CRLF2: variants seen among roughly 807,000 people sequenced by gnomAD.
CRLF2 encodes cytokine receptor-like factor 2.
A neutral mutation model predicts 38.7 loss-of-function variants in CRLF2; 41 were observed. The ratio of observed to expected loss-of-function variants is 1.06; its 90% CI spans 0.83 to 1.37. The LOEUF (loss-of-function observed/expected upper bound fraction) is 1.37. Among genes scored for constraint, CRLF2 ranks in the 40% most tolerant of loss-of-function variants. The probability of loss-of-function intolerance (pLI) is 0.00; values close to 1 mark genes in which losing one functional copy is unlikely to be tolerated. For missense variants in CRLF2, 377 were observed against 322.2 expected (o/e 1.17, Z -1.30); for synonymous variants, 140 against 128.8 (o/e 1.09, Z -0.59).
At chrX:1,192,465 A>T (rs1393781760) in intron 7 of CRLF2, among the ~76,000 whole-genome samples, 1 of 150,518 alleles carries the variant, frequency 6.6e-6, no homozygotes, top group Non-Finnish European at 1.5e-5. Flanking sequence ...AAATACAAAA[A>T]ATTAGCCAGG....
intron 4 of CRLF2, among the ~76,000 whole-genome samples, chrX:1,199,683 T>G (rs182163803): frequency 1.3e-5 from 2 of 152,094 alleles, no homozygotes; most frequent in Admixed American, 1.3e-4. Context: ...TATACATATA[T>G]AGTTTATATA....
intron 1 of CRLF2, among the ~76,000 whole-genome samples, chrX:1,210,116 G>A (rs745988291): frequency 0.013 from 585 of 45,378 alleles, 68 homozygotes; most frequent in African/African-American, 0.046. Context: ...AAAAAAAAAA[G>A]AAAAGAAAAG....
At chrX:1,191,348 T>TTCCTTC (rs1413878313) in intron 7 of CRLF2, among the ~76,000 whole-genome samples, 188 bp from the exon 8 acceptor site, 4 of 122,756 alleles carry the variant, frequency 3.3e-5, no homozygotes, top group East Asian at 2.8e-4. Context: ...TTTCTTTCCT[T>TTCCTTC]CTTTCTTTCT....
intron 6 of CRLF2, among the ~76,000 whole-genome samples, chrX:1,193,781 CAAAA>C (rs1176813644): frequency 2.2e-3 from 127 of 58,968 alleles, no homozygotes; most frequent in African/African-American, 9.3e-3. Context: ...GACTCCATCT[CAAAA>C]AAAAAAAAAA....
At chrX:1,210,143 A>AAAGAAAAG (rs2086772270) in intron 1 of CRLF2, among the ~76,000 whole-genome samples, 1 of 146,738 alleles carries the variant, frequency 6.8e-6, no homozygotes, top group Non-Finnish European at 1.5e-5. Flanking sequence ...AAAGAAAAGA[A>AAAGAAAAG]AAGAAATGGG....
intron 3 of CRLF2, among the ~76,000 whole-genome samples, chrX:1,203,445 A>G (rs1283361264): frequency 1.3e-5 from 2 of 152,114 alleles, no homozygotes; most frequent in Admixed American, 6.6e-5. Context: ...CCTAAAGCCC[A>G]GGACCTGGAA....
At chrX:1,210,802 A>C (rs28547355) in intron 1 of CRLF2, among the ~76,000 whole-genome samples, 1 of 151,972 alleles carries the variant, frequency 6.6e-6, no homozygotes, top group Non-Finnish European at 1.5e-5. Flanking sequence ...ACAGATAGAT[A>C]GGGATGGGTA....
chrX:1,196,913 G>C lies in CRLF2; in HGVS notation c.647-13C>G. The stretch of plus-strand genomic sequence containing the variant: ...TCTGCACAGGCATCTGAAACAAAAT[G>C]AAAAGGCGGCTGTCAGTTTTCAACA... On this transcript the variant is annotated splice_polypyrimidine_tract_variant and intron_variant, in intron 5 of 7. Transcript: ENST00000400841. The C allele has an allele frequency of 6.2e-7, 1 of 1,611,434 alleles. No homozygotes were observed. Among genetic ancestry groups the C allele is most frequent in the South Asian group, 1.1e-5 (1 of 90,904 alleles).
intron 5 of CRLF2, among the ~76,000 whole-genome samples, chrX:1,197,918 A>C (rs376365526): frequency 3.0e-4 from 46 of 152,048 alleles, no homozygotes; most frequent in African/African-American, 1.1e-3. Context: ...GGGAGAATCG[A>C]TTGAACGTGG....
chrX:1,198,901 C>T (rs1444354709), intron 4 of CRLF2, 177 bp from the exon 5 acceptor site: 14 of 664,660 alleles, frequency 2.1e-5, no homozygotes, highest in South Asian at 1.3e-4. Flanking sequence ...GTAAACCCAA[C>T]GCTTTGGGAG....
At chrX:1,200,331 G>A (rs1293226681) in intron 4 of CRLF2, among the ~76,000 whole-genome samples, 20 of 38,822 alleles carry the variant, frequency 5.2e-4, no homozygotes, top group African/African-American at 1.4e-3. Context: ...GTATATATAT[G>A]TGTGTATATA....
intron 6 of CRLF2, among the ~76,000 whole-genome samples, chrX:1,195,903 G>A (rs1237851028): frequency 0.19 from 25,793 of 135,148 alleles, 2,502 homozygotes; most frequent in Non-Finnish European, 0.22. Context: ...AATTAAATAT[G>A]TATTTATATA....
At chrX:1,191,930 C>G (rs1360911002) in intron 7 of CRLF2, among the ~76,000 whole-genome samples, 12 of 151,896 alleles carry the variant, frequency 7.9e-5, no homozygotes, top group East Asian at 3.9e-4. Context: ...AGCCAGCCGG[C>G]CGCAGTGGCT....
Position 1,212,486 on chromosome X carries a change from T to G in CRLF2, c.79+70A>C, listed in dbSNP as rs182461893. On this transcript the variant is annotated intron_variant, in intron 1 of 7. Coordinates refer to ENST00000400841, the MANE Select transcript of CRLF2 (RefSeq NM_022148.4). Reference sequence around the variant, plus strand: ...TGCTCATTGTTTAAGTTTTACAAAATAAAGAGTGCCTGGTTGCAAAGCAAA... The same window carrying G: ...TGCTCATTGTTTAAGTTTTACAAAAGAAAGAGTGCCTGGTTGCAAAGCAAA... 40 of 859,350 alleles carry G rather than the reference T, an allele frequency of 4.7e-5. No homozygotes were observed. The East Asian group carries it at 1.1e-3, about 23-fold the overall frequency. The allele number at this position is 859,350 out of a possible 1,614,324, so 53.2% of individuals were successfully genotyped here.
chrX:1,211,641 A>G (rs1287118774), intron 1 of CRLF2, among the ~76,000 whole-genome samples: 2 of 103,862 alleles, frequency 1.9e-5, no homozygotes, highest in African/African-American at 4.4e-5. Context: ...GGGTGGATGG[A>G]TGGATGGATG....
chrX:1,197,012 CG>C, intron 5 of CRLF2, 112 bp from the exon 6 acceptor site: 1 of 873,990 alleles, frequency 1.1e-6, no homozygotes, highest in Non-Finnish European at 1.6e-6. Flanking sequence ...TTTTGGTGTT[CG>C]TTTTTTTTTC....
Position 1,192,137 on chromosome X carries a change from G to T in CRLF2, c.853-977C>A, listed in dbSNP as rs1371393293. Among the ~76,000 whole-genome samples, 4 of 146,188 alleles carry T rather than the reference G, an allele frequency of 2.7e-5. No homozygotes were observed. In the South Asian group the frequency reaches 8.7e-4, roughly 32 times the overall value. The stretch of plus-strand genomic sequence containing the variant: ...GGAGAATGGCGTGAACCCGGGAGGT[G>T]GAGCTTGCAGTGAGCCGAGATCCCG... On this transcript the variant is annotated intron_variant, in intron 7 of 7. Coordinates refer to ENST00000400841, the MANE Select transcript of CRLF2 (RefSeq NM_022148.4).
chrX:1,208,768 C>A (rs1319080861), intron 2 of CRLF2, 38 bp downstream of exon 2: 1 of 1,221,970 alleles, frequency 8.2e-7, no homozygotes, highest in Admixed American at 1.7e-5. Context: ...GATTTTGAGC[C>A]CCCTGGGCGT....
At chrX:1,200,187 CTGTGTATATG>C in intron 4 of CRLF2, among the ~76,000 whole-genome samples, 1 of 148,964 alleles carries the variant, frequency 6.7e-6, no homozygotes, top group East Asian at 2.0e-4. Context: ...TGTATATAAG[CTGTGTATATG>C]TGTGTATGTG....
Sources: allele counts gnomAD v4.1 joint callset (sites outside exome capture counted in the v4.1 genomes callset), GRCh38; gene constraint gnomAD v4.1.1; transcripts MANE v1.5; gene names NCBI Gene and HGNC (gene_info 2026-07-23, HGNC 2026-07-21).